CNTLN: variants seen among roughly 807,000 people sequenced by gnomAD.
The protein encoded by CNTLN is centlein, centrosomal protein.
A neutral mutation model predicts 180.0 loss-of-function variants in CNTLN; 212 were observed. The ratio of observed to expected loss-of-function variants is 1.18; its 90% CI spans 1.05 to 1.32. The LOEUF is 1.32. CNTLN is among the 40% of genes most tolerant of loss of function. CNTLN has a pLI of 0.00. For missense variants in CNTLN, 2,095 were observed against 1,610.9 expected (o/e 1.30, Z -5.14); for synonymous variants, 722 against 563.1 (o/e 1.28, Z -3.99).
downstream of CNTLN, among the ~76,000 whole-genome samples, chr9:17,505,016 C>G (rs932825806): frequency 1.3e-5 from 2 of 152,008 alleles, no homozygotes; most frequent in African/African-American, 4.8e-5. Context: ...GGATATTGGT[C>G]AAAAGATACA....
At chr9:17,371,443 A>C (rs1246500328) in intron 13 of CNTLN, among the ~76,000 whole-genome samples, 1 of 152,192 alleles carries the variant, frequency 6.6e-6, no homozygotes, top group African/African-American at 2.4e-5. Context: ...ATATTCACCC[A>C]ACACGCTAGT....
chr9:17,408,263 T>A (rs1340255840), intron 15 of CNTLN, among the ~76,000 whole-genome samples: 1 of 151,948 alleles, frequency 6.6e-6, no homozygotes, highest in East Asian at 1.9e-4. Context: ...TCTAAATAGT[T>A]AAAAGCTCAT....
intron 5 of CNTLN, among the ~76,000 whole-genome samples, chr9:17,241,984 T>G (rs1179206839): frequency 1.3e-5 from 2 of 152,218 alleles, no homozygotes; most frequent in Non-Finnish European, 2.9e-5. Flanking sequence ...TAAGATTATA[T>G]CATTGGCAAA....
the CNTLN span, among the ~76,000 whole-genome samples, chr9:17,516,614 A>G: frequency 1.3e-5 from 2 of 152,156 alleles, no homozygotes; most frequent in Non-Finnish European, 2.9e-5. Flanking sequence ...CCCCCTGGAT[A>G]ATATGCCTTT....
intron 7 of CNTLN, among the ~76,000 whole-genome samples, chr9:17,302,405 A>G (rs192286030): frequency 3.9e-4 from 59 of 152,074 alleles, no homozygotes; most frequent in Non-Finnish European, 8.1e-4. Flanking sequence ...CACCATGTTG[A>G]CTAGGCTGGT....
intron 18 of CNTLN, among the ~76,000 whole-genome samples, chr9:17,423,910 A>C (rs1473246224): frequency 2.0e-5 from 3 of 151,560 alleles, no homozygotes; most frequent in African/African-American, 7.3e-5. Flanking sequence ...GCAATGCAAG[A>C]CTCTCTTTTC....
At chr9:17,512,439 G>A in the CNTLN span, among the ~76,000 whole-genome samples, 49,199 of 151,980 alleles carry the variant, frequency 0.32, 8,672 homozygotes, top group South Asian at 0.5. Flanking sequence ...CATACCACAT[G>A]TTCTCACTTT....
At chr9:17,513,249 C>G in the CNTLN span, among the ~76,000 whole-genome samples, 1 of 151,220 alleles carries the variant, frequency 6.6e-6, no homozygotes, top group South Asian at 2.1e-4. Flanking sequence ...AAAAGGCAAA[C>G]TATCTAGAAA....
chr9:17,299,609 C>G (rs1445356471), intron 7 of CNTLN: 1 of 985,186 alleles, frequency 1.0e-6, no homozygotes, highest in African/African-American at 1.7e-5. Context: ...TAGATGATAG[C>G]AAGCAGGAAG....
chr9:17,412,151 T>A (rs539457222), intron 16 of CNTLN, among the ~76,000 whole-genome samples: 1 of 151,724 alleles, frequency 6.6e-6, no homozygotes, highest in South Asian at 2.1e-4. Flanking sequence ...CAAGCAGTAA[T>A]AAGGTGGCCC....
At chr9:17,345,160 C>T (rs1821782218) in intron 12 of CNTLN, among the ~76,000 whole-genome samples, 1 of 152,120 alleles carries the variant, frequency 6.6e-6, no homozygotes, top group South Asian at 2.1e-4. Context: ...ATTATGAATA[C>T]AGCTGCTATA....
intron 1 of CNTLN, among the ~76,000 whole-genome samples, 176 bp downstream of exon 1, chr9:17,135,601 C>T (rs1817656932): frequency 6.6e-6 from 1 of 152,198 alleles, no homozygotes; most frequent in African/African-American, 2.4e-5. Context: ...GCGCCCGGCT[C>T]CCCAAACCCG....
At chr9:17,355,007 C>T (rs1002100635) in intron 12 of CNTLN, among the ~76,000 whole-genome samples, 2 of 152,034 alleles carry the variant, frequency 1.3e-5, no homozygotes, top group African/African-American at 4.8e-5. Flanking sequence ...CAGCTTCACT[C>T]CTGAGCCAGC....
chr9:17,143,245 C>T, intron 1 of CNTLN, 43 bp from the exon 2 acceptor site: 1 of 1,330,882 alleles, frequency 7.5e-7, no homozygotes, highest in Non-Finnish European at 1.1e-6. Context: ...ATTTCACTAC[C>T]ACTACAAAGC....
chr9:17,456,318 C>T (rs1488396387), intron 18 of CNTLN, among the ~76,000 whole-genome samples: 2 of 151,936 alleles, frequency 1.3e-5, no homozygotes, highest in Admixed American at 1.3e-4. Context: ...AAACAATTTC[C>T]TAAAAATCTA....
intron 23 of CNTLN, among the ~76,000 whole-genome samples, chr9:17,469,310 T>G (rs1012078647): frequency 1.3e-5 from 2 of 151,800 alleles, no homozygotes; most frequent in Admixed American, 1.3e-4. Flanking sequence ...AATTTGACAT[T>G]TGTTTTTCTT....
intron 2 of CNTLN, among the ~76,000 whole-genome samples, chr9:17,165,789 T>G (rs1820030827): frequency 6.6e-6 from 1 of 152,196 alleles, no homozygotes; most frequent in Admixed American, 6.5e-5. Flanking sequence ...GCCTCAGAGT[T>G]GCTGGAAGCA....
chr9:17,135,321 T>C lies in CNTLN; in HGVS notation c.256T>C (p.Ser86Pro). ...HAPLLSAPMG[S>P]RRLEGISVEE... ...TCCCCTCCTCAGCGCGCCCATGGGG[T>C]CCAGACGGCTAGAGGGCATCTCGGT... is the stretch of plus-strand genomic sequence containing the variant. Residue 86 changes from serine (S) to proline (P), a missense_variant, in exon 1 of 26, where the codon TCC (serine) becomes CCC (proline). Transcript: ENST00000380647. 1 of 1,601,652 alleles carries C rather than the reference T, an allele frequency of 6.2e-7. No homozygotes were observed. Among genetic ancestry groups the C allele is most frequent in the Non-Finnish European group, 8.5e-7 (1 of 1,175,148 alleles).
rs958020980 is a variant in CNTLN, at chr9:17,149,453, A to G, written c.449+6077A>G. On this transcript the variant is annotated intron_variant, in intron 2 of 25. Coordinates refer to ENST00000380647, the MANE Select transcript of CNTLN (RefSeq NM_017738.4). ...CCACCAACAGTGTAAAAGTGTTTCT[A>G]TTTCTCCAGATTCTCTCCAGCATCT... is the stretch of plus-strand genomic sequence containing the variant. Among the ~76,000 whole-genome samples the G allele has an allele frequency of 2.9e-5, 4 of 137,554 alleles. No individual in the cohort carries two copies. The South Asian group carries it at 6.8e-4, about 23-fold the overall frequency. The allele number at this position is 137,554 out of a possible 152,430, so 90.2% of individuals were successfully genotyped here.
Sources: gnomAD v4.1 joint callset for allele counts (sites outside exome capture counted in the v4.1 genomes callset) on GRCh38, gnomAD v4.1.1 for gene constraint, MANE v1.5 for transcripts, NCBI Gene and HGNC (gene_info 2026-07-23, HGNC 2026-07-21) for gene names.